The following LAMA3 variants were observed in gnomAD, a reference collection of about 807,000 sequenced individuals.
LAMA3 encodes the protein laminin subunit alpha 3.
In LAMA3, 281 loss-of-function variants were observed where a neutral mutation model predicts 402.0. The observed-to-expected ratio is 0.70, with a 90% CI of 0.63 to 0.77. The LOEUF (loss-of-function observed/expected upper bound fraction) is 0.77, where lower values mean the gene tolerates loss of function less well. Ranked by LOEUF, LAMA3 falls within the 30% of genes least tolerant of loss-of-function variation. The probability of loss-of-function intolerance (pLI) is 0.00; values close to 1 mark genes in which losing one functional copy is unlikely to be tolerated. For missense variants in LAMA3, 3,840 were observed against 4,215.5 expected (o/e 0.91, Z 2.47); for synonymous variants, 1,431 against 1,558.4 (o/e 0.92, Z 1.93).
intron 55 of LAMA3, among the ~76,000 whole-genome samples, chr18:23,911,004 C>A (rs2081406851): frequency 6.7e-6 from 1 of 150,278 alleles, no homozygotes; most frequent in Admixed American, 6.6e-5. Context: ...GGAACGGGTG[C>A]CAGTTCTGTC....
chr18:23,737,655 T>C (rs1248067493), intron 2 of LAMA3, among the ~76,000 whole-genome samples: 1 of 152,250 alleles, frequency 6.6e-6, no homozygotes, highest in African/African-American at 2.4e-5. Flanking sequence ...CTTAGGGTTC[T>C]GGCTGACTCT....
intron 68 of LAMA3, among the ~76,000 whole-genome samples, chr18:23,941,614 C>G (rs1345760783): frequency 6.6e-6 from 1 of 152,112 alleles, no homozygotes; most frequent in East Asian, 1.9e-4. Context: ...TGTTCTGACA[C>G]TCCTTTAAAC....
At position 23,775,761 on chromosome 18, in the gene LAMA3, C is replaced by T. The variant is rs764335056; in HGVS notation, c.1274-31C>T. ...TTGCTTTGTTAAGTGCAGTGAAGGA[C>T]GGATCCTTTGAAAACTGGGATTTCT... On this transcript the variant is annotated intron_variant, in intron 9 of 74. Coordinates refer to ENST00000313654, the MANE Select transcript of LAMA3 (RefSeq NM_198129.4). 2.2e-5 allele frequency: 36 copies of T among 1,613,440 alleles called. No homozygotes were observed. In the East Asian group the frequency reaches 2.5e-4, roughly 11 times the overall value.
chr18:23,691,584 A>G (rs1265233796), intron 1 of LAMA3, among the ~76,000 whole-genome samples: 1 of 152,124 alleles, frequency 6.6e-6, no homozygotes, highest in African/African-American at 2.4e-5. Flanking sequence ...ATTTAATTTT[A>G]TTTTTGAGAC....
intron 13 of LAMA3, 31 bp downstream of exon 13, chr18:23,810,534 G>C: frequency 6.2e-7 from 1 of 1,613,060 alleles, no homozygotes; most frequent in South Asian, 1.1e-5. Context: ...CTAGAGGGCT[G>C]GTTCCTCTCT....
intron 27 of LAMA3, among the ~76,000 whole-genome samples, chr18:23,840,163 G>A (rs1351264001): frequency 2.0e-5 from 3 of 152,120 alleles, no homozygotes; most frequent in African/African-American, 7.2e-5. Context: ...TCCCAGAAAT[G>A]CAGGCATCTG....
intron 5 of LAMA3, among the ~76,000 whole-genome samples, chr18:23,752,332 C>G (rs906509113): frequency 1.3e-5 from 2 of 151,774 alleles, no homozygotes; most frequent in African/African-American, 4.8e-5. Context: ...CTTAAATTGT[C>G]TTTTTGGGGG....
At chr18:23,854,310 G>A (rs1026296612) in intron 32 of LAMA3, among the ~76,000 whole-genome samples, 1 of 152,338 alleles carries the variant, frequency 6.6e-6, no homozygotes, top group African/African-American at 2.4e-5. Flanking sequence ...TGCCCTTGCT[G>A]CAGGTACTCT....
chr18:23,749,690 G>A (rs954996817), intron 4 of LAMA3, 144 bp downstream of exon 4: 2 of 702,322 alleles, frequency 2.8e-6, no homozygotes, highest in Non-Finnish European at 5.2e-6. Context: ...GAACAGTAAA[G>A]GAATCACATT....
chr18:23,942,272 G>A (rs1266031769), intron 68 of LAMA3, among the ~76,000 whole-genome samples: 1 of 152,182 alleles, frequency 6.6e-6, no homozygotes, highest in Admixed American at 6.5e-5. Flanking sequence ...GTCTGCTTAA[G>A]ACGTTAGCCA....
chr18:23,744,731 C>G (rs2061620060), intron 2 of LAMA3, among the ~76,000 whole-genome samples: 1 of 147,730 alleles, frequency 6.8e-6, no homozygotes, highest in Non-Finnish European at 1.5e-5. Flanking sequence ...ACTCAGGAGG[C>G]TGAGGCAGGA....
chr18:23,725,693 C>G (rs372677056), intron 2 of LAMA3, among the ~76,000 whole-genome samples: 97 of 152,334 alleles, frequency 6.4e-4, no homozygotes, highest in African/African-American at 2.3e-3. Flanking sequence ...GCAGCTCACT[C>G]TAGACCAGAG....
At position 23,935,236 on chromosome 18, in the gene LAMA3, A is replaced by G. The variant is rs567964751; in HGVS notation, c.8862+1301A>G. 2.0e-5 allele frequency among the ~76,000 whole-genome samples: 3 copies of G among 152,342 alleles called. No homozygotes were observed. The South Asian group carries it at 6.2e-4, about 32-fold the overall frequency. ...GGCACCCAGTCTGGGTTATTGGATG[A>G]ATGGGGATGTCCCCTCCATGGAGAT... On this transcript the variant is annotated intron_variant, in intron 67 of 74. Transcript: ENST00000313654.
intron 32 of LAMA3, among the ~76,000 whole-genome samples, chr18:23,848,965 T>C (rs1440237462): frequency 6.6e-6 from 1 of 152,220 alleles, no homozygotes; most frequent in African/African-American, 2.4e-5. Flanking sequence ...TGTGTGTCTC[T>C]GTCTTCCTGT....
chr18:23,939,728 A>G (rs2082432626), intron 68 of LAMA3, among the ~76,000 whole-genome samples: 1 of 152,146 alleles, frequency 6.6e-6, no homozygotes. Context: ...CTTTTCTTGT[A>G]TTCTGTAGTG....
intron 62 of LAMA3, among the ~76,000 whole-genome samples, chr18:23,923,207 A>G (rs10502441): frequency 0.5 from 76,167 of 152,104 alleles, 22,696 homozygotes; most frequent in Non-Finnish European, 0.68. Context: ...TGAAAGTCAC[A>G]GTAAGGAGCC....
chr18:23,904,467 A>G (rs2081176324), intron 50 of LAMA3, 86 bp from the exon 51 acceptor site: 1 of 1,366,596 alleles, frequency 7.3e-7, no homozygotes, highest in Non-Finnish European at 1.0e-6. Context: ...AGAAAAAATA[A>G]AAAGAAGAAA....
At chr18:23,932,376 G>GA in intron 66 of LAMA3, 85 bp downstream of exon 66, 2 of 1,451,312 alleles carry the variant, frequency 1.4e-6, no homozygotes, top group Non-Finnish European at 1.9e-6. Context: ...AACAAAGTCA[G>GA]CTTTGTCAAC....
At chr18:23,816,613 C>T (rs2063181048) in intron 18 of LAMA3, 126 bp downstream of exon 18, 3 of 766,736 alleles carry the variant, frequency 3.9e-6, no homozygotes, top group Non-Finnish European at 6.8e-6. Context: ...GGAAGCTGTC[C>T]TATGTCAATT....
Sources: gnomAD v4.1 joint callset for allele counts (sites outside exome capture counted in the v4.1 genomes callset) on GRCh38, gnomAD v4.1.1 for gene constraint, MANE v1.5 for transcripts, NCBI Gene and HGNC (gene_info 2026-07-23, HGNC 2026-07-21) for gene names.